The following NBAS variants were observed in gnomAD, a reference collection of about 807,000 sequenced individuals.
The protein encoded by NBAS is NBAS subunit of NRZ tethering complex, also known as NAG/BC035112 fusion.
Under a neutral mutation model 302.5 loss-of-function variants are expected in NBAS, and 219 were observed. The ratio of observed to expected loss-of-function variants is 0.72; its 90% CI spans 0.65 to 0.81. NBAS has a LOEUF of 0.81. NBAS is among the 30% of genes least tolerant of loss of function. The pLI is 0.00. For synonymous variants in NBAS, 1,118 were observed against 1,021.6 expected (o/e 1.09, Z -1.80); for missense variants, 2,932 against 2,841.6 (o/e 1.03, Z -0.72).
intron 41 of NBAS, among the ~76,000 whole-genome samples, chr2:15,291,990 G>C (rs1488413171): frequency 6.6e-6 from 1 of 152,186 alleles, no homozygotes; most frequent in Non-Finnish European, 1.5e-5. Flanking sequence ...ATATTTTTGA[G>C]ACAGGGTCTC....
chr2:15,375,731 C>T (rs1290485426), intron 30 of NBAS, among the ~76,000 whole-genome samples: 2 of 152,042 alleles, frequency 1.3e-5, no homozygotes, highest in Admixed American at 1.3e-4. Flanking sequence ...GATAGGCTCG[C>T]ACATGCTCAA....
At chr2:15,102,330 G>T in the NBAS span, among the ~76,000 whole-genome samples, 1 of 152,202 alleles carries the variant, frequency 6.6e-6, no homozygotes, top group East Asian at 1.9e-4. Context: ...GGAGCATCCT[G>T]CTGTCAGGAC....
chr2:15,132,682 G>A, the NBAS span, among the ~76,000 whole-genome samples: 105 of 152,018 alleles, frequency 6.9e-4, no homozygotes, highest in Non-Finnish European at 1.1e-3. Flanking sequence ...GGTGGGGTGC[G>A]GCAGGGGGTA....
intron 35 of NBAS, among the ~76,000 whole-genome samples, chr2:15,336,040 G>A (rs1411900599): frequency 6.6e-6 from 1 of 151,028 alleles, no homozygotes; most frequent in Non-Finnish European, 1.5e-5. Flanking sequence ...AGGCTACTGT[G>A]AGCTGTGATC....
At chr2:14,825,846 C>A in the NBAS span, among the ~76,000 whole-genome samples, 1 of 152,134 alleles carries the variant, frequency 6.6e-6, no homozygotes, top group Non-Finnish European at 1.5e-5. Flanking sequence ...TGTCAGTAGG[C>A]ATTTGCCAGG....
At chr2:15,451,791 C>T (rs1226229784) in intron 21 of NBAS, among the ~76,000 whole-genome samples, 7 of 152,230 alleles carry the variant, frequency 4.6e-5, no homozygotes, top group Admixed American at 1.3e-4. Context: ...CTCTCTTTAT[C>T]ACCAAAAGAT....
intron 25 of NBAS, among the ~76,000 whole-genome samples, chr2:15,413,879 A>G (rs1366032765): frequency 1.3e-5 from 2 of 152,260 alleles, no homozygotes; most frequent in African/African-American, 2.4e-5. Flanking sequence ...ACATGTTTCA[A>G]CAAAGGCAAA....
chr2:14,885,995 T>C, the NBAS span, among the ~76,000 whole-genome samples: 3 of 152,192 alleles, frequency 2.0e-5, no homozygotes, highest in Non-Finnish European at 4.4e-5. Flanking sequence ...TTTGAGAAGT[T>C]TGCTATGTAG....
chr2:15,301,633 CA>C (rs1189648677), intron 40 of NBAS, among the ~76,000 whole-genome samples: 1 of 152,188 alleles, frequency 6.6e-6, no homozygotes, highest in Non-Finnish European at 1.5e-5. Context: ...CTCAGCAAGG[CA>C]GCTTATCCCA....
intron 6 of NBAS, among the ~76,000 whole-genome samples, chr2:15,541,715 G>C (rs967773534): frequency 7.3e-5 from 11 of 151,630 alleles, no homozygotes; most frequent in African/African-American, 2.7e-4. Context: ...CCTGTCTTTA[G>C]ACTGCTAAAA....
At chr2:15,434,274 G>T (rs929598421) in intron 21 of NBAS, among the ~76,000 whole-genome samples, 5 of 152,172 alleles carry the variant, frequency 3.3e-5, no homozygotes, top group African/African-American at 1.2e-4. Context: ...AGAGAAAACA[G>T]ATGACAAGAG....
the NBAS span, among the ~76,000 whole-genome samples, chr2:14,862,292 T>C: frequency 6.6e-6 from 1 of 152,066 alleles, no homozygotes; most frequent in East Asian, 1.9e-4. Context: ...CTAATTTTTG[T>C]ATTTTTAGTA....
the NBAS span, among the ~76,000 whole-genome samples, chr2:14,853,795 C>G: frequency 8.3e-6 from 1 of 120,376 alleles, no homozygotes; most frequent in Non-Finnish European, 1.7e-5. Flanking sequence ...AATTGGAAAC[C>G]ATCATTCTCA....
chr2:15,165,165 T>C (rs1663983920), downstream of NBAS, among the ~76,000 whole-genome samples: 1 of 152,262 alleles, frequency 6.6e-6, no homozygotes, highest in East Asian at 1.9e-4. Context: ...ACTCAATGTT[T>C]TCATTCACCT....
At chr2:14,864,320 C>CAAA in the NBAS span, among the ~76,000 whole-genome samples, 4 of 68,006 alleles carry the variant, frequency 5.9e-5, no homozygotes, top group African/African-American at 4.7e-5. Flanking sequence ...GGCTCCATCT[C>CAAA]AAAAAAAAAA....
the NBAS span, among the ~76,000 whole-genome samples, chr2:15,146,311 G>A: frequency 9.2e-5 from 14 of 152,130 alleles, no homozygotes; most frequent in African/African-American, 3.4e-4. Flanking sequence ...TAAAATGGCA[G>A]TTATTCATGA....
the NBAS span, among the ~76,000 whole-genome samples, chr2:15,041,880 A>G: frequency 1.3e-5 from 2 of 152,022 alleles, no homozygotes; most frequent in Non-Finnish European, 2.9e-5. Context: ...TACTACATGG[A>G]AATAAGGCCT....
chr2:15,366,690 C>T lies in NBAS; in HGVS notation c.3707G>A (p.Arg1236Gln), dbSNP rs754435346. ...GAGACTGATCCGATCAGGGCACAATCGCACTACAAAAGAAAGACGTATTAA... is the reference window on the plus strand; with the variant it reads ...GAGACTGATCCGATCAGGGCACAATTGCACTACAAAAGAAAGACGTATTAA... The part of the protein sequence containing the change: ...FGVKILPLQV[R>Q]LCPDRISLIK... The change falls in exon 32 of 52, where the codon CGA (arginine) becomes CAA (glutamine). Residue 1236 changes from arginine to glutamine, a missense_variant. Coordinates refer to ENST00000281513, the MANE Select transcript of NBAS (RefSeq NM_015909.4). 1.2e-6 allele frequency: 2 copies of T among 1,613,612 alleles called. No individual in the cohort carries two copies. The highest frequency in any genetic ancestry group is 1.7e-5 in the Admixed American group (1 of 60,012).
chr2:15,460,491 G>A (rs1679457669), intron 21 of NBAS, among the ~76,000 whole-genome samples: 1 of 152,158 alleles, frequency 6.6e-6, no homozygotes, highest in Non-Finnish European at 1.5e-5. Flanking sequence ...CCTAAGCAAG[G>A]TATGCTAAGC....
Sources: allele counts gnomAD v4.1 joint callset (sites outside exome capture counted in the v4.1 genomes callset), GRCh38; gene constraint gnomAD v4.1.1; transcripts MANE v1.5; gene names NCBI Gene and HGNC (gene_info 2026-07-23, HGNC 2026-07-21).